NCOA2: variants seen among roughly 807,000 people sequenced by gnomAD.
NCOA2 encodes class E basic helix-loop-helix protein 75.
Under a neutral mutation model 145.1 loss-of-function variants are expected in NCOA2, and 21 were observed. The ratio of observed to expected loss-of-function variants is 0.14; its 90% CI spans 0.10 to 0.21. The LOEUF is 0.21. NCOA2 is among the 10% of genes least tolerant of loss of function. The pLI is 1.00. For missense variants in NCOA2, 1,472 were observed against 1,837.6 expected, an observed-to-expected ratio of 0.80 and a Z score of 3.64; for synonymous variants, 619 against 637.5, an observed-to-expected ratio of 0.97 and a Z score of 0.44.
At chr8:70,153,573 C>A (rs1811979561) in intron 11 of NCOA2, among the ~76,000 whole-genome samples, 1 of 152,122 alleles carries the variant, frequency 6.6e-6, no homozygotes, top group East Asian at 1.9e-4. Context: ...GAAGGCCTGG[C>A]CACGTTAGAC....
intron 1 of NCOA2, among the ~76,000 whole-genome samples, chr8:70,341,456 CAG>C (rs75955731): frequency 2.6e-5 from 4 of 152,148 alleles, no homozygotes; most frequent in Non-Finnish European, 5.9e-5. Context: ...ACTACAAGGG[CAG>C]TCAATGAAGT....
chr8:70,218,691 T>C (rs1299664599), intron 2 of NCOA2, among the ~76,000 whole-genome samples: 3 of 152,210 alleles, frequency 2.0e-5, no homozygotes, highest in Non-Finnish European at 4.4e-5. Flanking sequence ...GTTTCAATCA[T>C]GAGATGTAAG....
chr8:70,243,608 AAAAC>A (rs1432896165), intron 2 of NCOA2, among the ~76,000 whole-genome samples: 1 of 152,022 alleles, frequency 6.6e-6, no homozygotes, highest in African/African-American at 2.4e-5. Context: ...AAAATAAAGA[AAAAC>A]AAAGAAAGCT....
chr8:70,283,788 T>C (rs941026429), intron 2 of NCOA2, among the ~76,000 whole-genome samples: 1 of 152,230 alleles, frequency 6.6e-6, no homozygotes, highest in African/African-American at 2.4e-5. Context: ...CACTCGCTAG[T>C]TGGCATTCCA....
chr8:70,365,908 C>T (rs554859697), intron 1 of NCOA2, among the ~76,000 whole-genome samples: 1 of 152,272 alleles, frequency 6.6e-6, no homozygotes, highest in East Asian at 1.9e-4. Flanking sequence ...GAGCCAGGCC[C>T]TTAACAATCA....
At chr8:70,356,740 A>G (rs1279907447) in intron 1 of NCOA2, among the ~76,000 whole-genome samples, 1 of 152,230 alleles carries the variant, frequency 6.6e-6, no homozygotes, top group East Asian at 1.9e-4. Context: ...TTCACCTTAC[A>G]ATACTGCCAT....
intron 19 of NCOA2, 49 bp from the exon 20 acceptor site, chr8:70,124,914 A>T (rs778861226): frequency 1.3e-6 from 2 of 1,500,688 alleles, no homozygotes; most frequent in Non-Finnish European, 1.8e-6. Context: ...TGTTAGTTAT[A>T]TTGTAGAGAC....
the NCOA2 span, among the ~76,000 whole-genome samples, chr8:70,451,653 T>C: frequency 6.6e-6 from 1 of 152,242 alleles, no homozygotes; most frequent in Admixed American, 6.5e-5. Context: ...GGGTACTTGG[T>C]TCGATTGACT....
chr8:70,430,777 C>A, the NCOA2 span, among the ~76,000 whole-genome samples: 1 of 152,156 alleles, frequency 6.6e-6, no homozygotes, highest in African/African-American at 2.4e-5. Flanking sequence ...GGAACTCTCA[C>A]CTGAGTAATG....
intron 2 of NCOA2, among the ~76,000 whole-genome samples, chr8:70,255,028 A>T (rs1823520558): frequency 6.6e-6 from 1 of 152,224 alleles, no homozygotes; most frequent in Non-Finnish European, 1.5e-5. Flanking sequence ...ACTTTGATTC[A>T]CAAGAAGGAA....
chr8:70,291,182 C>T (rs1433169149), intron 2 of NCOA2, among the ~76,000 whole-genome samples: 1 of 152,168 alleles, frequency 6.6e-6, no homozygotes. Context: ...TATTAACAAT[C>T]TATTAAACCA....
upstream of NCOA2, among the ~76,000 whole-genome samples, chr8:70,407,715 T>G (rs1425292222): frequency 1.3e-5 from 2 of 152,038 alleles, no homozygotes; most frequent in Non-Finnish European, 2.9e-5. Flanking sequence ...GAGAATTGTT[T>G]GAACCGGGAG....
intron 2 of NCOA2, among the ~76,000 whole-genome samples, chr8:70,255,790 C>A (rs1823587574): frequency 6.6e-6 from 1 of 152,118 alleles, no homozygotes; most frequent in Non-Finnish European, 1.5e-5. Flanking sequence ...TGCTTGCCAC[C>A]CCAGCACCAA....
chr8:70,214,219 AT>A (rs2133893713), intron 3 of NCOA2, 144 bp from the exon 4 acceptor site: 1 of 796,864 alleles, frequency 1.3e-6, no homozygotes, highest in East Asian at 2.6e-5. Flanking sequence ...GAAAAACACA[AT>A]TTTCCAAAAG....
chr8:70,155,990 C>T lies in NCOA2; in HGVS notation c.2375G>A (p.Ser792Asn). ...ACTTACCTGGTCACCAGGCTCAAAG[C>T]TCATCTCCTCCTTCTCAGTTTTCAT... ...IAMKTEKEEM[S>N]FEPGDQPGSE... Residue 792 changes from serine (S) to asparagine (N), a missense_variant, in exon 11 of 23, where the codon AGC becomes AAC. Coordinates refer to ENST00000452400, the MANE Select transcript of NCOA2 (RefSeq NM_006540.4). 3.8e-6 allele frequency: 6 copies of T among 1,583,828 alleles called. No individual in the cohort carries two copies. In the South Asian group the frequency reaches 4.7e-5, roughly 12 times the overall value.
intron 2 of NCOA2, among the ~76,000 whole-genome samples, chr8:70,230,856 C>T (rs1821070047): frequency 1.3e-5 from 2 of 152,238 alleles, no homozygotes; most frequent in South Asian, 4.2e-4. Flanking sequence ...CAATCAAGCA[C>T]AAAGTGTATA....
At chr8:70,370,401 A>G (rs1245305918) in intron 1 of NCOA2, among the ~76,000 whole-genome samples, 1 of 152,196 alleles carries the variant, frequency 6.6e-6, no homozygotes, top group Non-Finnish European at 1.5e-5. Context: ...TCCTATGTCA[A>G]AAAAACTTAC....
chr8:70,369,130 G>A (rs1218779859), intron 1 of NCOA2, among the ~76,000 whole-genome samples: 4 of 152,138 alleles, frequency 2.6e-5, no homozygotes, highest in African/African-American at 7.2e-5. Flanking sequence ...TAAATGCTAT[G>A]TGATTTTCTA....
chr8:70,358,787 A>C (rs1490077969), intron 1 of NCOA2, among the ~76,000 whole-genome samples: 2 of 152,208 alleles, frequency 1.3e-5, no homozygotes, highest in African/African-American at 4.8e-5. Flanking sequence ...ATTATGAAGA[A>C]AACTAAAAGA....
Sources: gnomAD v4.1 joint callset for allele counts (sites outside exome capture counted in the v4.1 genomes callset) on GRCh38, gnomAD v4.1.1 for gene constraint, MANE v1.5 for transcripts, NCBI Gene and HGNC (gene_info 2026-07-23, HGNC 2026-07-21) for gene names.